Variants in TMEM238 observed in about 807,000 individuals in gnomAD.
TMEM238 encodes transmembrane protein 238.
For synonymous variants in TMEM238, 103 were observed against 111.5 expected, an observed-to-expected ratio of 0.92 and a Z score of 0.48; for missense variants, 169 against 206.8, an observed-to-expected ratio of 0.82 and a Z score of 1.12.
At chr19:55,380,655 C>G (rs890197349) in intron 1 of TMEM238, among the ~76,000 whole-genome samples, 2 of 151,430 alleles carry the variant, frequency 1.3e-5, no homozygotes, top group South Asian at 4.2e-4. Context: ...GAACTCCTGA[C>G]CTCAGGTGAT....
chr19:55,379,560 C>T (rs143171107), intron 1 of TMEM238, among the ~76,000 whole-genome samples, 193 bp from the exon 2 acceptor site: 8 of 152,226 alleles, frequency 5.3e-5, no homozygotes, highest in African/African-American at 7.2e-5. Context: ...GTACCTTTAA[C>T]GCCCTGAAAT....
Position 55,383,755 on chromosome 19 carries a change from C to A in TMEM238, c.505G>T (p.Gly169Trp). 1 of 265,342 alleles carries A rather than the reference C, an allele frequency of 3.8e-6. No individual in the cohort carries two copies. The highest frequency in any genetic ancestry group is 1.5e-4 in the South Asian group (1 of 6,614). 16.4% of individuals were successfully genotyped at this position (265,342 alleles called of 1,614,324 possible). A position where few individuals can be genotyped will look rare whatever the true frequency, so the allele number is the denominator to read the frequency against. ...LQLATLEAGPGAAGAGSE is the reference protein window; with the variant it reads ...LQLATLEAGPWAAGAGSE ...CACTCGCTGCCCGCGCCCGCCGCCC[C>A]GGGCCCGGCCTCGAGCGTGGCGAGC... Residue 169 changes from glycine (G) to tryptophan (W), a missense_variant, in exon 1 of 2, where the codon GGG (glycine) becomes TGG (tryptophan). Physicochemically the swap from Gly to Trp is radical, Grantham distance 184. Transcript: ENST00000444469. The surrounding 1 kb of genome is among the most constrained non-coding windows in gnomAD (Gnocchi z 4.9).
At chr19:55,380,339 T>TCCCCCTCCCCTCCCTTC (rs2089881218) in intron 1 of TMEM238, among the ~76,000 whole-genome samples, 1 of 17,086 alleles carries the variant, frequency 5.9e-5, no homozygotes, top group Admixed American at 8.4e-4. Flanking sequence ...CCTTCCCCCT[T>TCCCCCTCCCCTCCCTTC]CCCCCTCCCC....
intron 1 of TMEM238, among the ~76,000 whole-genome samples, chr19:55,382,102 T>C (rs967080046): frequency 1.3e-5 from 2 of 149,424 alleles, no homozygotes; most frequent in South Asian, 4.3e-4. Flanking sequence ...CACCCATCTA[T>C]GCATTCACCC....
rs953459517 is a variant in TMEM238 at position 55,383,830 on chromosome 19, C to A, written c.430G>T (p.Ala144Ser). 269 of 635,414 alleles carry A rather than the reference C, an allele frequency of 4.2e-4. 2 individuals are homozygous for A. The highest frequency in any genetic ancestry group is 1.6e-3 in the Middle Eastern group (2 of 1,270). 39.4% of individuals were successfully genotyped at this position (635,414 alleles called of 1,614,324 possible). ...APGSRRARRA[A>S]RAPPPPAAGS... ...GCGGCGGGCGGCGGGGGCGCGCGGGCGGCTCGGCGCGCTCTCCGGGAGCCG... is the reference window on the plus strand; with the variant it reads ...GCGGCGGGCGGCGGGGGCGCGCGGGAGGCTCGGCGCGCTCTCCGGGAGCCG... The change falls in exon 1 of 2, where the codon GCC becomes TCC. Residue 144 changes from alanine to serine, a missense_variant. Coordinates refer to ENST00000444469, the MANE Select transcript of TMEM238 (RefSeq NM_001190764.2). The surrounding 1 kb of genome is among the most constrained non-coding windows in gnomAD (Gnocchi z 4.9).
rs2089898712 is a variant in TMEM238 at position 55,384,114 on chromosome 19, A to G, written c.146T>C (p.Met49Thr). The change falls in exon 1 of 2, where the codon ATG becomes ACG. Residue 49 changes from methionine (M) to threonine (T), a missense_variant. Coordinates refer to ENST00000444469, the MANE Select transcript of TMEM238 (RefSeq NM_001190764.2). The surrounding 1 kb of genome is among the most constrained non-coding windows in gnomAD (Gnocchi z 5.6). Reference sequence around the variant, plus strand: ...GAACACGCCGGTCAGCAGCGCCGCCATGCCCGCCACATCCAGCGCCACGGC... The same window carrying G: ...GAACACGCCGGTCAGCAGCGCCGCCGTGCCCGCCACATCCAGCGCCACGGC... ...LLAVALDVAG[M>T]AALLTGVFAQ... The G allele has an allele frequency of 1.4e-6, 2 of 1,450,330 alleles. No individual in the cohort carries two copies. Among genetic ancestry groups the G allele is most frequent in the Admixed American group, 4.3e-5 (2 of 46,022 alleles). 89.8% of individuals were successfully genotyped at this position (1,450,330 alleles called of 1,614,324 possible).
rs903412228 is a variant in TMEM238 at position 55,383,960 on chromosome 19, C to T, written c.300G>A (p.Glu100=). 10 of 1,395,094 alleles carry T rather than the reference C, an allele frequency of 7.2e-6. No homozygotes were observed. In the African/African-American group the frequency reaches 1.1e-4, roughly 15 times the overall value. 86.4% of individuals were successfully genotyped at this position (1,395,094 alleles called of 1,614,324 possible). A position where few individuals can be genotyped will look rare whatever the true frequency, so the allele number is the denominator to read the frequency against. ...GCCGCAGGCCGTAGTCGCGCTCCAG[C>T]TCCTGGCGCGAGATCTCGATGTTGC... ...YTGNIEISRQ[E]LERDYGLRPS... Residue 100 remains glutamate (E), a synonymous_variant, in exon 1 of 2, where the codon GAG becomes GAA. Transcript: ENST00000444469. The surrounding 1 kb of genome is among the most constrained non-coding windows in gnomAD (Gnocchi z 4.9).
chr19:55,381,269 T>C (rs539503214), intron 1 of TMEM238, among the ~76,000 whole-genome samples: 9 of 151,248 alleles, frequency 6.0e-5, no homozygotes, highest in Non-Finnish European at 1.3e-4. Flanking sequence ...AAATACAAAA[T>C]TAGCCAGGTG....
Position 55,384,119 on chromosome 19 carries a change from C to A in TMEM238, c.141G>T (p.Ala47=), listed in dbSNP as rs1266274881. 19 of 1,447,812 alleles carry A rather than the reference C, an allele frequency of 1.3e-5. No homozygotes were observed. Among genetic ancestry groups the A allele is most frequent in the Non-Finnish European group, 1.7e-5 (19 of 1,094,506 alleles). 89.7% of individuals were successfully genotyped at this position (1,447,812 alleles called of 1,614,324 possible). The change falls in exon 1 of 2, where the codon GCG becomes GCT. Residue 47 remains alanine (A), a synonymous_variant. Transcript: ENST00000444469. This position sits in a 1 kb window ranked among gnomAD's most constrained non-coding sequence, Gnocchi z 5.6. ...ALLLAVALDV[A]GMAALLTGVF... ...CGCCGGTCAGCAGCGCCGCCATGCCCGCCACATCCAGCGCCACGGCCAGCA... is the reference window on the plus strand; with the variant it reads ...CGCCGGTCAGCAGCGCCGCCATGCCAGCCACATCCAGCGCCACGGCCAGCA...
intron 1 of TMEM238, among the ~76,000 whole-genome samples, chr19:55,380,809 C>T (rs1270843496): frequency 6.6e-6 from 1 of 151,204 alleles, no homozygotes; most frequent in Non-Finnish European, 1.5e-5. Context: ...GTGATCTTGG[C>T]TCACTGCAGC....
intron 1 of TMEM238, among the ~76,000 whole-genome samples, chr19:55,382,884 C>G (rs1285473797): frequency 6.6e-6 from 1 of 152,218 alleles, no homozygotes; most frequent in African/African-American, 2.4e-5. Flanking sequence ...CCCAGCTCCT[C>G]CTTTCCTAGG....
chr19:55,383,463 G>T lies in TMEM238; in HGVS notation c.*7+259C>A, dbSNP rs1001694788. On this transcript the variant is annotated intron_variant, in intron 1 of 1. Transcript: ENST00000444469. The surrounding 1 kb of genome is among the most constrained non-coding windows in gnomAD (Gnocchi z 4.9). ...AGCTGGGGCTCTCCCCGTGCGGGGG[G>T]CCTAACTGTGTGACTCGACCCCCAC... Among the ~76,000 whole-genome samples the T allele has an allele frequency of 3.3e-5, 5 of 152,134 alleles. No individual in the cohort carries two copies. Among genetic ancestry groups the T allele is most frequent in the Admixed American group, 2.6e-4 (4 of 15,280 alleles).
chr19:55,384,179 G>A lies in TMEM238; in HGVS notation c.81C>T (p.Pro27=), dbSNP rs1382004225. Residue 27 remains proline, a synonymous_variant, in exon 1 of 2, where the codon CCC becomes CCT. Transcript: ENST00000444469. This position sits in a 1 kb window ranked among gnomAD's most constrained non-coding sequence, Gnocchi z 5.6. The part of the protein sequence containing the change: ...APSAPAAAPA[P]AAGLGRCRMA... ...TCCGGCAGCGGCCCAGGCCGGCCGC[G>A]GGTGCTGGCGCGGCCGCCGGCGCGG... The A allele has an allele frequency of 1.3e-5, 15 of 1,180,792 alleles. No individual in the cohort carries two copies. In the African/African-American group the frequency reaches 2.0e-4, roughly 15 times the overall value. 73.1% of individuals were successfully genotyped at this position (1,180,792 alleles called of 1,614,324 possible).
intron 1 of TMEM238, 131 bp from the exon 2 acceptor site, chr19:55,379,498 C>T (rs1175362006): frequency 6.6e-6 from 1 of 152,296 alleles, no homozygotes; most frequent in Non-Finnish European, 1.5e-5. Flanking sequence ...GACTCACACA[C>T]TTGCTCCTTC....
chr19:55,379,611 G>GAAAGGGGGAGACGAAGACATGCA (rs1255121239), intron 1 of TMEM238, among the ~76,000 whole-genome samples: 40 of 152,286 alleles, frequency 2.6e-4, no homozygotes, highest in African/African-American at 9.4e-4. Flanking sequence ...GGGAGAGGCA[G>GAAAGGGGGAGACGAAGACATGCA]AAAGGGGGAG....
intron 1 of TMEM238, among the ~76,000 whole-genome samples, chr19:55,380,291 C>T (rs1416156204): frequency 2.2e-5 from 1 of 45,792 alleles, no homozygotes; most frequent in Non-Finnish European, 4.3e-5. Flanking sequence ...TCCCCTCCCC[C>T]CTTCCCCCCT....
At chr19:55,382,660 T>C (rs1053753675) in intron 1 of TMEM238, among the ~76,000 whole-genome samples, 1 of 151,858 alleles carries the variant, frequency 6.6e-6, no homozygotes, top group Non-Finnish European at 1.5e-5. Flanking sequence ...GGCCAAAATA[T>C]GGGGGGTCCA....
At position 55,382,143 on chromosome 19, in the gene TMEM238, G is replaced by T. The variant is rs1018909353; in HGVS notation, c.*7+1579C>A. ...TCCATCAAACAACTCATCCATCCAC[G>T]CACCCATCGATCTACCCATCCACCC... On this transcript the variant is annotated intron_variant, in intron 1 of 1. Transcript: ENST00000444469. Among the ~76,000 whole-genome samples, 2 of 139,114 alleles carry T rather than the reference G, an allele frequency of 1.4e-5. 1 individual carries two copies. Among genetic ancestry groups the T allele is most frequent in the Admixed American group, 1.4e-4 (2 of 13,924 alleles). The allele number at this position is 139,114 out of a possible 152,430, so 91.3% of individuals were successfully genotyped here.
At chr19:55,379,899 G>T (rs1393576649) in intron 1 of TMEM238, among the ~76,000 whole-genome samples, 1 of 152,034 alleles carries the variant, frequency 6.6e-6, no homozygotes, top group East Asian at 1.9e-4. Flanking sequence ...GGAGGCTGAG[G>T]TGGGAGGATT....
Sources: gnomAD v4.1 joint callset for allele counts (sites outside exome capture counted in the v4.1 genomes callset) on GRCh38, gnomAD v4.1.1 for gene constraint, Gnocchi (gnomAD v3.1) non-coding constraint, MANE v1.5 for transcripts, NCBI Gene and HGNC (gene_info 2026-07-23, HGNC 2026-07-21) for gene names.